Variants in DSG4 observed in about 807,000 individuals in gnomAD.
DSG4 encodes desmoglein 4.
DSG4 carries 87 observed loss-of-function variants against 93.1 expected under a neutral mutation model. The ratio of observed to expected loss-of-function variants is 0.93; its 90% CI spans 0.79 to 1.12. The LOEUF (loss-of-function observed/expected upper bound fraction) is 1.12, where lower values mean the gene tolerates loss of function less well. DSG4 is among the 50% of genes most tolerant of loss of function. DSG4 has a pLI of 0.00. For missense variants in DSG4, 1,373 were observed against 1,285.7 expected, an observed-to-expected ratio of 1.07 and a Z score of -1.04; for synonymous variants, 432 against 452.9, an observed-to-expected ratio of 0.95 and a Z score of 0.59.
intron 8 of DSG4, among the ~76,000 whole-genome samples, chr18:31,396,343 T>C (rs1568066497): frequency 6.9e-6 from 1 of 144,632 alleles, no homozygotes; most frequent in Non-Finnish European, 1.5e-5. Flanking sequence ...CGGAAGAAAA[T>C]AGGGTCATTG....
At position 31,386,370 on chromosome 18, in the gene DSG4, C is replaced by T. The variant is rs111377873; in HGVS notation, c.85-318C>T. ...ATGAAGGGTGAGATAGGCAAGGCTC[C>T]TATATGGTGAAGATAGATTGAGAAA... On this transcript the variant is annotated intron_variant, in intron 2 of 15. Coordinates refer to ENST00000308128, the MANE Select transcript of DSG4 (RefSeq NM_177986.5). 2.4e-4 allele frequency among the ~76,000 whole-genome samples: 37 copies of T among 152,184 alleles called. 1 individual carries two copies. In the South Asian group the frequency reaches 5.8e-3, roughly 24 times the overall value.
chr18:31,400,484 T>C (rs145565244), intron 9 of DSG4, among the ~76,000 whole-genome samples: 1 of 152,188 alleles, frequency 6.6e-6, no homozygotes, highest in East Asian at 1.9e-4. Context: ...AGTGAGGTGC[T>C]CTGAAATCAA....
chr18:31,405,577 AAAAG>A (rs575395750), intron 11 of DSG4, among the ~76,000 whole-genome samples: 9 of 152,146 alleles, frequency 5.9e-5, no homozygotes, highest in Admixed American at 2.6e-4. Flanking sequence ...GTTAAAAAAA[AAAAG>A]AAAGAAAGAA....
chr18:31,399,638 G>C, intron 9 of DSG4, 95 bp downstream of exon 9: 1 of 1,490,470 alleles, frequency 6.7e-7, no homozygotes, highest in Non-Finnish European at 9.3e-7. Context: ...CTTTTGGAGG[G>C]CTTTTTTGCT....
At position 31,383,402 on chromosome 18, in the gene DSG4, G is replaced by C. The variant is rs138264567; in HGVS notation, c.49-1734G>C. On this transcript the variant is annotated intron_variant, in intron 1 of 15. Transcript: ENST00000308128. ...GATATCGGCTTAATTGTTCCTATAA[G>C]AGTCTTCAAATTGGGACACGTATTT... is the stretch of plus-strand genomic sequence containing the variant. 3.3e-5 allele frequency among the ~76,000 whole-genome samples: 5 copies of C among 152,186 alleles called. No homozygotes were observed. The East Asian group carries it at 7.7e-4, about 23-fold the overall frequency.
chr18:31,396,280 A>G (rs933453103), intron 8 of DSG4, among the ~76,000 whole-genome samples: 8 of 151,798 alleles, frequency 5.3e-5, no homozygotes, highest in Non-Finnish European at 1.2e-4. Context: ...ATTCTGTTAT[A>G]AGGTGTATCC....
intron 8 of DSG4, 42 bp from the exon 9 acceptor site, chr18:31,399,230 G>A: frequency 1.2e-6 from 2 of 1,612,070 alleles, no homozygotes; most frequent in Non-Finnish European, 1.7e-6. Context: ...TCGAAAGAGA[G>A]TTCTTTGCTG....
At chr18:31,395,441 G>T (rs1295647718) in intron 8 of DSG4, among the ~76,000 whole-genome samples, 2 of 152,030 alleles carry the variant, frequency 1.3e-5, no homozygotes, top group African/African-American at 4.8e-5. Flanking sequence ...ATGGAGAAAG[G>T]CTAATTAAAA....
intron 15 of DSG4, among the ~76,000 whole-genome samples, chr18:31,412,006 A>G (rs1050266489): frequency 6.6e-6 from 1 of 152,210 alleles, no homozygotes; most frequent in African/African-American, 2.4e-5. Context: ...AAAGGGGTCC[A>G]GCAATAGCAC....
intron 8 of DSG4, among the ~76,000 whole-genome samples, chr18:31,392,906 G>T (rs2072265066): frequency 1.3e-5 from 2 of 152,226 alleles, no homozygotes; most frequent in South Asian, 4.1e-4. Context: ...AAGTAGGGAA[G>T]TAATCAGAAG....
intron 1 of DSG4, among the ~76,000 whole-genome samples, chr18:31,377,822 A>T (rs1442338307): frequency 6.6e-6 from 1 of 152,230 alleles, no homozygotes; most frequent in African/African-American, 2.4e-5. Flanking sequence ...AGACAAATGC[A>T]TTATAGTTGG....
At chr18:31,395,712 C>T (rs2072298296) in intron 8 of DSG4, among the ~76,000 whole-genome samples, 1 of 152,082 alleles carries the variant, frequency 6.6e-6, no homozygotes, top group Non-Finnish European at 1.5e-5. Flanking sequence ...TACAAAGACT[C>T]AATTCAAAGG....
chr18:31,390,702 T>C lies in DSG4; in HGVS notation c.564T>C (p.Asn188=). The change falls in exon 6 of 16, where the codon AAT becomes AAC. Residue 188 remains asparagine (N), a synonymous_variant. Transcript: ENST00000308128. Reference sequence around the variant, plus strand: ...GTGCCACAGATGCAGATGAAGAAAATCATCTGAATTCTAAAATTGCCTACA... The same window carrying C: ...GTGCCACAGATGCAGATGAAGAAAACCATCTGAATTCTAAAATTGCCTACA... ...KLCATDADEE[N]HLNSKIAYKI... 6.2e-7 allele frequency: 1 copy of C among 1,613,692 alleles called. No individual in the cohort carries two copies. Among genetic ancestry groups the C allele is most frequent in the Non-Finnish European group, 8.5e-7 (1 of 1,179,758 alleles).
intron 1 of DSG4, among the ~76,000 whole-genome samples, chr18:31,379,962 G>T (rs1419729090): frequency 6.6e-6 from 1 of 152,120 alleles, no homozygotes; most frequent in Non-Finnish European, 1.5e-5. Flanking sequence ...ACTCATCACC[G>T]CAAAGGTTAC....
At chr18:31,399,213 T>TA in intron 8 of DSG4, 59 bp from the exon 9 acceptor site, 1 of 1,606,684 alleles carries the variant, frequency 6.2e-7, no homozygotes, top group Non-Finnish European at 8.5e-7. Context: ...CATGGCTTCT[T>TA]ACTTTATCGA....
rs1449418873 is a variant in DSG4, at chr18:31,412,959, T to A, written c.2487T>A (p.Asp829Glu). 1.9e-6 allele frequency: 3 copies of A among 1,614,186 alleles called. No homozygotes were observed. The highest frequency in any genetic ancestry group is 2.2e-5 in the South Asian group (2 of 91,090). The change falls in exon 16 of 16, where the codon GAT (aspartate) becomes GAA (glutamate). Residue 829 changes from aspartate to glutamate, a missense_variant. By Grantham distance (45) the Asp-to-Glu change is conservative. Transcript: ENST00000308128. Reference sequence around the variant, plus strand: ...GCAGTTGGATTGTGGATGACTTAGATGAAAGCTGCATGGAAACTTTAGATC... The same window carrying A: ...GCAGTTGGATTGTGGATGACTTAGAAGAAAGCTGCATGGAAACTTTAGATC... ...GCCSWIVDDL[D>E]ESCMETLDPK... is the part of the protein sequence containing the mutation.
intron 1 of DSG4, among the ~76,000 whole-genome samples, chr18:31,377,978 G>A (rs2072095024): frequency 1.3e-5 from 2 of 152,176 alleles, no homozygotes; most frequent in Non-Finnish European, 2.9e-5. Flanking sequence ...CTAGGGCTGG[G>A]AGAGATGGGA....
rs938260200 is a variant in DSG4 at position 31,386,796 on chromosome 18, T to C, written c.193T>C (p.Ser65Pro). 2 of 1,613,334 alleles carry C rather than the reference T, an allele frequency of 1.2e-6. No individual in the cohort carries two copies. The highest frequency in any genetic ancestry group is 1.7e-6 in the Non-Finnish European group (2 of 1,179,412). ...AGCCTGTCGAGAAGGAGAGGACAAC[T>C]CGAAGAGGAACCCCATTGCCAAAGT... ...AAACREGEDN[S>P]KRNPIAKIRS... is the part of the protein sequence containing the mutation. The change falls in exon 3 of 16, where the codon TCG (serine) becomes CCG (proline). Residue 65 changes from serine (S) to proline (P), a missense_variant. Ser to Pro is a moderately conservative substitution (Grantham distance 74). Coordinates refer to ENST00000308128, the MANE Select transcript of DSG4 (RefSeq NM_177986.5).
intron 10 of DSG4, chr18:31,401,506 T>C (rs889089428): frequency 6.5e-6 from 1 of 153,096 alleles, no homozygotes; most frequent in African/African-American, 2.4e-5. Context: ...AGTAAGATGC[T>C]ATGGACCAAG....
Sources: gnomAD v4.1 joint callset for allele counts (sites outside exome capture counted in the v4.1 genomes callset) on GRCh38, gnomAD v4.1.1 for gene constraint, MANE v1.5 for transcripts, NCBI Gene and HGNC (gene_info 2026-07-23, HGNC 2026-07-21) for gene names.